PDZD2: variants seen among roughly 807,000 people sequenced by gnomAD.
The protein encoded by PDZD2 is PDZ domain containing 2, also known as PDZ domain-containing protein 2.
A neutral mutation model predicts 220.7 loss-of-function variants in PDZD2; 90 were observed. That is an observed-to-expected ratio of 0.41 (90% CI 0.34 to 0.49). PDZD2 has a LOEUF of 0.49. PDZD2 is among the 20% of genes least tolerant of loss of function. The pLI is 0.28. For missense variants in PDZD2, 3,174 were observed against 3,608.5 expected (o/e 0.88, Z 3.08); for synonymous variants, 1,375 against 1,450.5 (o/e 0.95, Z 1.18).
At chr5:31,977,022 GT>G (rs982997145) in intron 2 of PDZD2, among the ~76,000 whole-genome samples, 58 of 143,328 alleles carry the variant, frequency 4.0e-4, no homozygotes, top group Admixed American at 7.0e-4. Flanking sequence ...GGCCAGTTTT[GT>G]TTTTTTTTTT....
chr5:31,659,154 A>G (rs146252538), intron 1 of PDZD2, among the ~76,000 whole-genome samples: 503 of 152,132 alleles, frequency 3.3e-3, no homozygotes, highest in African/African-American at 0.011. Context: ...TCTTTAAATA[A>G]TACTTAATCT....
chr5:32,092,250 G>A (rs866390339), intron 20 of PDZD2, among the ~76,000 whole-genome samples: 1 of 149,682 alleles, frequency 6.7e-6, no homozygotes. Flanking sequence ...CTCCAGCCTG[G>A]GCAACAGAGT....
At chr5:31,852,227 G>A (rs1397595160) in intron 2 of PDZD2, among the ~76,000 whole-genome samples, 1 of 152,130 alleles carries the variant, frequency 6.6e-6, no homozygotes, top group Non-Finnish European at 1.5e-5. Context: ...GAGGATGGGG[G>A]CAGAATATTT....
At chr5:31,797,970 A>G (rs1411098731) in intron 1 of PDZD2, among the ~76,000 whole-genome samples, 1 of 152,070 alleles carries the variant, frequency 6.6e-6, no homozygotes, top group Non-Finnish European at 1.5e-5. Context: ...TTTATGGAGA[A>G]TGGAGGTGAA....
chr5:31,662,139 C>T (rs1430505768), intron 1 of PDZD2, among the ~76,000 whole-genome samples: 4 of 151,710 alleles, frequency 2.6e-5, no homozygotes, highest in Non-Finnish European at 5.9e-5. Context: ...GGTGAAACCC[C>T]GTCTCTACTA....
At chr5:31,882,812 T>C (rs1266265198) in intron 2 of PDZD2, among the ~76,000 whole-genome samples, 2 of 151,848 alleles carry the variant, frequency 1.3e-5, no homozygotes, top group Non-Finnish European at 2.9e-5. Flanking sequence ...GCGGATCACT[T>C]GAGGCCAGGA....
intron 2 of PDZD2, among the ~76,000 whole-genome samples, chr5:31,904,408 G>A (rs1336085208): frequency 1.3e-5 from 2 of 152,270 alleles, no homozygotes; most frequent in South Asian, 2.1e-4. Flanking sequence ...AAATGAACCA[G>A]TATTTATAAA....
At chr5:32,043,826 T>C (rs2619882) in intron 7 of PDZD2, among the ~76,000 whole-genome samples, 103,650 of 151,558 alleles carry the variant, frequency 0.68, 36,770 homozygotes, top group Non-Finnish European at 0.78. Context: ...GGGGTTTCAC[T>C]GCGTTGGCCA....
At chr5:31,684,726 C>T (rs1262468547) in intron 1 of PDZD2, among the ~76,000 whole-genome samples, 1 of 152,100 alleles carries the variant, frequency 6.6e-6, no homozygotes, top group African/African-American at 2.4e-5. Context: ...TCTCTGTTAC[C>T]CACAACCTGC....
At chr5:32,092,530 C>T (rs1167202003) in intron 20 of PDZD2, among the ~76,000 whole-genome samples, 8 of 150,604 alleles carry the variant, frequency 5.3e-5, no homozygotes, top group African/African-American at 1.2e-4. Context: ...TGAGATCGTG[C>T]CACTGCACTC....
chr5:31,972,783 C>T (rs1749426199), intron 2 of PDZD2, among the ~76,000 whole-genome samples: 1 of 152,224 alleles, frequency 6.6e-6, no homozygotes, highest in South Asian at 2.1e-4. Context: ...CAAAGTCTGA[C>T]TCCCACCACT....
chr5:32,092,524 A>C (rs1743261286), intron 20 of PDZD2, among the ~76,000 whole-genome samples: 1 of 152,218 alleles, frequency 6.6e-6, no homozygotes, highest in East Asian at 1.9e-4. Context: ...GTGAGCTGAG[A>C]TCGTGCCACT....
At chr5:32,021,406 C>A (rs1000146331) in intron 6 of PDZD2, among the ~76,000 whole-genome samples, 2 of 152,054 alleles carry the variant, frequency 1.3e-5, no homozygotes, top group Admixed American at 1.3e-4. Context: ...AAGCAATTCT[C>A]ATGCCTCAGC....
At chr5:31,654,383 C>G (rs778824533) in intron 1 of PDZD2, among the ~76,000 whole-genome samples, 1 of 152,102 alleles carries the variant, frequency 6.6e-6, no homozygotes, top group African/African-American at 2.4e-5. Context: ...CTCCTGACCT[C>G]TTAATAATGC....
intron 2 of PDZD2, among the ~76,000 whole-genome samples, chr5:31,907,902 G>T (rs780377148): frequency 6.6e-6 from 1 of 151,840 alleles, no homozygotes; most frequent in African/African-American, 2.4e-5. Context: ...GGCCAATATG[G>T]TGAAACCCCG....
chr5:31,785,841 G>A (rs942649173), intron 1 of PDZD2, among the ~76,000 whole-genome samples: 2 of 152,048 alleles, frequency 1.3e-5, no homozygotes, highest in African/African-American at 4.8e-5. Context: ...CCCAAGGTTC[G>A]GTGGTTTTCG....
intron 2 of PDZD2, among the ~76,000 whole-genome samples, chr5:31,917,774 G>A (rs539401816): frequency 2.0e-5 from 3 of 152,102 alleles, no homozygotes; most frequent in East Asian, 1.9e-4. Context: ...CAGAGTCTTC[G>A]CTCTGTCGCC....
At chr5:31,995,820 C>A (rs946831284) in intron 4 of PDZD2, 102 bp downstream of exon 4, 7 of 1,055,162 alleles carry the variant, frequency 6.6e-6, no homozygotes, top group South Asian at 4.5e-5. Flanking sequence ...AAAGCCCTGG[C>A]GATTATAGTT....
chr5:31,976,270 C>T (rs1581196964), intron 2 of PDZD2, among the ~76,000 whole-genome samples: 1 of 152,156 alleles, frequency 6.6e-6, no homozygotes, highest in East Asian at 1.9e-4. Flanking sequence ...TCCTCTCAAC[C>T]AGTTGTTCTC....
Sources: allele counts gnomAD v4.1 joint callset (sites outside exome capture counted in the v4.1 genomes callset), GRCh38; gene constraint gnomAD v4.1.1; transcripts MANE v1.5; gene names NCBI Gene and HGNC (gene_info 2026-07-23, HGNC 2026-07-21).